TMEM74: variants seen among roughly 807,000 people sequenced by gnomAD.
The protein encoded by TMEM74 is transmembrane protein 74.
A neutral mutation model predicts 18.1 loss-of-function variants in TMEM74; 13 were observed. The ratio of observed to expected loss-of-function variants is 0.72; its 90% CI spans 0.47 to 1.14. The LOEUF (loss-of-function observed/expected upper bound fraction) is 1.14. TMEM74 is among the 50% of genes most tolerant of loss of function. The pLI is 0.00. For synonymous variants in TMEM74, 159 were observed against 146.6 expected, an observed-to-expected ratio of 1.08 and a Z score of -0.61; for missense variants, 372 against 375.9, an observed-to-expected ratio of 0.99 and a Z score of 0.09.
intron 1 of TMEM74, among the ~76,000 whole-genome samples, chr8:108,749,927 C>T (rs1403890890): frequency 6.6e-6 from 1 of 152,130 alleles, no homozygotes; most frequent in Non-Finnish European, 1.5e-5. Flanking sequence ...AGTAGGTAGT[C>T]TGTCTTCAAA....
chr8:108,705,867 A>G (rs1312997947), intron 1 of TMEM74, among the ~76,000 whole-genome samples: 1 of 152,242 alleles, frequency 6.6e-6, no homozygotes, highest in Non-Finnish European at 1.5e-5. Flanking sequence ...ACAGTTTCTA[A>G]TTAGACACCT....
At chr8:108,672,834 T>C (rs1215877175) in intron 1 of TMEM74, among the ~76,000 whole-genome samples, 1 of 152,162 alleles carries the variant, frequency 6.6e-6, no homozygotes, top group East Asian at 1.9e-4. Context: ...CAAGAACAGG[T>C]TAGCAAGACC....
At chr8:108,666,174 G>C (rs1017244708) in intron 1 of TMEM74, among the ~76,000 whole-genome samples, 9 of 152,122 alleles carry the variant, frequency 5.9e-5, no homozygotes, top group African/African-American at 2.2e-4. Flanking sequence ...TTTTAAGAGA[G>C]AGCCTGGTGA....
intron 1 of TMEM74, among the ~76,000 whole-genome samples, chr8:108,723,553 C>A (rs1238504728): frequency 6.6e-6 from 1 of 152,112 alleles, no homozygotes; most frequent in African/African-American, 2.4e-5. Flanking sequence ...GAAATTAATT[C>A]TTCCTGTGAC....
intron 2 of TMEM74, among the ~76,000 whole-genome samples, chr8:108,642,535 C>T: frequency 6.6e-6 from 1 of 152,062 alleles, no homozygotes; most frequent in East Asian, 1.9e-4. Flanking sequence ...ATTCAGAAGA[C>T]ACATATGGCT....
chr8:108,748,832 C>T (rs932071118), intron 1 of TMEM74, among the ~76,000 whole-genome samples: 20 of 152,046 alleles, frequency 1.3e-4, no homozygotes, highest in Admixed American at 1.3e-3. Context: ...GTTCTCCCAG[C>T]ACCATTTATT....
chr8:108,748,787 G>A (rs773435594), intron 1 of TMEM74, among the ~76,000 whole-genome samples: 1 of 151,558 alleles, frequency 6.6e-6, no homozygotes, highest in African/African-American at 2.4e-5. Context: ...TATAAGAAAG[G>A]GTTCCAGTTT....
chr8:108,685,441 G>T (rs1813157811), intron 1 of TMEM74, among the ~76,000 whole-genome samples: 1 of 151,952 alleles, frequency 6.6e-6, no homozygotes, highest in Non-Finnish European at 1.5e-5. Context: ...TCTTTCTCTT[G>T]ACTAACTATT....
At chr8:108,642,631 C>T (rs1039167) in intron 2 of TMEM74, among the ~76,000 whole-genome samples, 19,577 of 152,050 alleles carry the variant, frequency 0.13, 1,651 homozygotes, top group East Asian at 0.42. Context: ...GATGAATACT[C>T]GTTTGAGAGC....
intron 1 of TMEM74, 115 bp from the exon 2 acceptor site, chr8:108,785,252 TC>T: frequency 1.4e-6 from 1 of 734,058 alleles, no homozygotes; most frequent in Non-Finnish European, 2.1e-6. Context: ...TAGCCCCTTT[TC>T]CACCTCAAAC....
At chr8:108,738,648 C>T (rs2130644341) in intron 1 of TMEM74, among the ~76,000 whole-genome samples, 1 of 152,236 alleles carries the variant, frequency 6.6e-6, no homozygotes, top group South Asian at 2.1e-4. Flanking sequence ...GACAGAGCAT[C>T]CTGGCCCATT....
At chr8:108,787,287 G>A (rs989529888) in intron 1 of TMEM74, among the ~76,000 whole-genome samples, 189 bp downstream of exon 1, 8 of 152,186 alleles carry the variant, frequency 5.3e-5, no homozygotes, top group South Asian at 2.1e-4. Context: ...CCCAGCAGGC[G>A]CCGAGGAATC....
intron 1 of TMEM74, among the ~76,000 whole-genome samples, chr8:108,705,593 T>A (rs1284090686): frequency 6.6e-6 from 1 of 152,136 alleles, no homozygotes; most frequent in Non-Finnish European, 1.5e-5. Flanking sequence ...ACTCCTTAGT[T>A]GTGTCTCTTT....
At chr8:108,624,193 T>A (rs1338791622) in intron 2 of TMEM74, among the ~76,000 whole-genome samples, 3 of 152,214 alleles carry the variant, frequency 2.0e-5, no homozygotes, top group African/African-American at 7.2e-5. Flanking sequence ...ATTTTAAATA[T>A]TGTCTGTGTA....
intron 1 of TMEM74, among the ~76,000 whole-genome samples, chr8:108,692,850 A>G (rs1429356821): frequency 6.6e-6 from 1 of 152,218 alleles, no homozygotes; most frequent in East Asian, 1.9e-4. Flanking sequence ...CAAAATGTTA[A>G]TATTGCATCT....
intron 1 of TMEM74, 90 bp downstream of exon 1, chr8:108,787,386 A>AGC (rs1453248726): frequency 4.6e-5 from 7 of 152,216 alleles, no homozygotes; most frequent in African/African-American, 1.7e-4. Context: ...AAGGAGAGAG[A>AGC]GCGGGGATAT....
chr8:108,658,222 A>G (rs1304719369), intron 1 of TMEM74, among the ~76,000 whole-genome samples: 2 of 151,990 alleles, frequency 1.3e-5, no homozygotes, highest in African/African-American at 2.4e-5. Context: ...TCATACAAGT[A>G]GTTGTTAGTT....
At chr8:108,672,083 A>T (rs1476615574) in intron 1 of TMEM74, among the ~76,000 whole-genome samples, 1 of 151,832 alleles carries the variant, frequency 6.6e-6, no homozygotes, top group East Asian at 1.9e-4. Flanking sequence ...GGGTGGAAAA[A>T]CTCCACTCAT....
intron 2 of TMEM74, among the ~76,000 whole-genome samples, chr8:108,633,689 G>A (rs889276320): frequency 6.6e-6 from 1 of 151,956 alleles, no homozygotes; most frequent in Non-Finnish European, 1.5e-5. Flanking sequence ...CTCTCTGGAA[G>A]ATTTAGCTGG....
Sources: allele counts gnomAD v4.1 joint callset (sites outside exome capture counted in the v4.1 genomes callset), GRCh38; gene constraint gnomAD v4.1.1; transcripts MANE v1.5; gene names NCBI Gene and HGNC (gene_info 2026-07-23, HGNC 2026-07-21).